CLNK: variants seen among roughly 807,000 people sequenced by gnomAD.
CLNK encodes cytokine-dependent hematopoietic cell linker.
A neutral mutation model predicts 68.6 loss-of-function variants in CLNK; 74 were observed. That is an observed-to-expected ratio of 1.08 (90% confidence interval 0.89 to 1.31). The LOEUF (loss-of-function observed/expected upper bound fraction) is 1.31. Among genes scored for constraint, CLNK ranks in the 50% most tolerant of loss-of-function variants. The probability of loss-of-function intolerance (pLI) is 0.00; values close to 1 mark genes in which losing one functional copy is unlikely to be tolerated. For missense variants in CLNK, 553 were observed against 515.3 expected (o/e 1.07, Z -0.71); for synonymous variants, 198 against 172.2 (o/e 1.15, Z -1.17).
At chr4:10,567,776 G>A (rs1720178740) in intron 5 of CLNK, among the ~76,000 whole-genome samples, 1 of 152,178 alleles carries the variant, frequency 6.6e-6, no homozygotes, top group Admixed American at 6.5e-5. Flanking sequence ...ATGAATGGAT[G>A]TTTCTTCAAA....
chr4:10,538,723 A>C (rs1440944514), intron 11 of CLNK, among the ~76,000 whole-genome samples: 1 of 152,194 alleles, frequency 6.6e-6, no homozygotes, highest in African/African-American at 2.4e-5. Context: ...TATTTCAGGT[A>C]CTGTGCCAGG....
the CLNK span, among the ~76,000 whole-genome samples, chr4:10,716,403 C>A: frequency 6.6e-6 from 1 of 152,142 alleles, no homozygotes; most frequent in Non-Finnish European, 1.5e-5. Context: ...CTTTTACCTA[C>A]TTTTTTCCAC....
intron 4 of CLNK, among the ~76,000 whole-genome samples, chr4:10,576,578 TC>T (rs1720573384): frequency 6.6e-6 from 1 of 152,186 alleles, no homozygotes; most frequent in South Asian, 2.1e-4. Context: ...CCTGTGGCTG[TC>T]CCTTGAACAG....
intron 3 of CLNK, among the ~76,000 whole-genome samples, chr4:10,589,252 T>C (rs1364730082): frequency 1.3e-5 from 2 of 152,216 alleles, no homozygotes; most frequent in Non-Finnish European, 2.9e-5. Flanking sequence ...GTAACTTGCC[T>C]GAAGTGGCAG....
At chr4:10,682,307 T>G (rs1725124308) in intron 1 of CLNK, among the ~76,000 whole-genome samples, 2 of 152,214 alleles carry the variant, frequency 1.3e-5, no homozygotes, top group Non-Finnish European at 2.9e-5. Flanking sequence ...GAACACTTTA[T>G]GTTTCTTTGT....
intron 4 of CLNK, among the ~76,000 whole-genome samples, chr4:10,574,530 G>A (rs1337665814): frequency 6.6e-6 from 1 of 152,166 alleles, no homozygotes; most frequent in Non-Finnish European, 1.5e-5. Context: ...TTTCAGGTCA[G>A]TTTAGCCGGA....
intron 18 of CLNK, among the ~76,000 whole-genome samples, chr4:10,498,159 C>T (rs1716889688): frequency 6.6e-6 from 1 of 151,768 alleles, no homozygotes; most frequent in East Asian, 1.9e-4. Flanking sequence ...CACGCCATTG[C>T]ATTCCAGCCT....
At chr4:10,699,517 T>G in the CLNK span, among the ~76,000 whole-genome samples, 1 of 129,910 alleles carries the variant, frequency 7.7e-6, no homozygotes, top group African/African-American at 3.1e-5. Flanking sequence ...TATATATTTT[T>G]TTTTTTTTTT....
rs1717694872 is a variant in CLNK, at chr4:10,513,525, T to C, written c.845A>G (p.Asn282Ser). 1 of 1,611,512 alleles carries C rather than the reference T, an allele frequency of 6.2e-7. No homozygotes were observed. Among genetic ancestry groups the C allele is most frequent in the Non-Finnish European group, 8.5e-7 (1 of 1,178,932 alleles). Residue 282 changes from asparagine to serine, a missense_variant, in exon 16 of 19, where the codon AAT becomes AGT. Coordinates refer to ENST00000226951, the MANE Select transcript of CLNK (RefSeq NM_052964.4). ...QPPASCSPHE[N>S]ILPYKYTSWR... ...GCTTGTGTATTTATAGGGCAGTATA[T>C]TTTCGTGAGGGCTGCAGCTGGCTGG...
the CLNK span, among the ~76,000 whole-genome samples, chr4:10,707,491 CCTACCA>C: frequency 6.6e-6 from 1 of 152,244 alleles, no homozygotes; most frequent in Non-Finnish European, 1.5e-5. Flanking sequence ...AGATATTCCA[CCTACCA>C]CTTGTGGGTA....
intron 2 of CLNK, among the ~76,000 whole-genome samples, chr4:10,609,057 C>G (rs1366682510): frequency 2.6e-5 from 4 of 152,208 alleles, no homozygotes; most frequent in Non-Finnish European, 5.9e-5. Context: ...TTAAAGGACA[C>G]AAACATTCAG....
the CLNK span, among the ~76,000 whole-genome samples, chr4:10,715,736 A>C: frequency 2.6e-5 from 4 of 152,208 alleles, no homozygotes; most frequent in Non-Finnish European, 4.4e-5. Context: ...TATTATCAAA[A>C]TCACCTGTGT....
At chr4:10,604,400 C>T (rs1325006382) in intron 2 of CLNK, among the ~76,000 whole-genome samples, 2 of 152,160 alleles carry the variant, frequency 1.3e-5, no homozygotes, top group Non-Finnish European at 2.9e-5. Context: ...AAACTTCCTT[C>T]AAATTGCATA....
At chr4:10,574,913 T>C (rs1239699035) in intron 4 of CLNK, among the ~76,000 whole-genome samples, 1 of 152,122 alleles carries the variant, frequency 6.6e-6, no homozygotes, top group African/African-American at 2.4e-5. Flanking sequence ...ATCACGACCC[T>C]CTCACGCGGA....
At chr4:10,523,370 G>T (rs904605105) in intron 14 of CLNK, among the ~76,000 whole-genome samples, 7 of 152,206 alleles carry the variant, frequency 4.6e-5, no homozygotes, top group African/African-American at 1.7e-4. Context: ...GCTGAGAGAG[G>T]TGATTTGCAG....
intron 2 of CLNK, among the ~76,000 whole-genome samples, chr4:10,646,488 A>G (rs770710914): frequency 1.3e-5 from 2 of 152,236 alleles, no homozygotes; most frequent in Non-Finnish European, 2.9e-5. Flanking sequence ...AAGACATATT[A>G]TCAGCTTTGG....
chr4:10,539,476 T>A (rs755155614), intron 11 of CLNK, among the ~76,000 whole-genome samples: 8 of 152,248 alleles, frequency 5.3e-5, no homozygotes, highest in Non-Finnish European at 8.8e-5. Context: ...AAACTGCTGA[T>A]GCAAGCTTGA....
At chr4:10,731,363 G>A in the CLNK span, among the ~76,000 whole-genome samples, 18 of 152,276 alleles carry the variant, frequency 1.2e-4, no homozygotes, top group African/African-American at 3.9e-4. Context: ...CGGGTGGTTC[G>A]GGGCTCCCAG....
chr4:10,578,277 G>C (rs1560225008), intron 4 of CLNK, among the ~76,000 whole-genome samples: 1 of 152,152 alleles, frequency 6.6e-6, no homozygotes, highest in East Asian at 1.9e-4. Context: ...TTGAGAACTT[G>C]TTCTGTTTTT....
Sources: allele counts gnomAD v4.1 joint callset (sites outside exome capture counted in the v4.1 genomes callset), GRCh38; gene constraint gnomAD v4.1.1; transcripts MANE v1.5; gene names NCBI Gene and HGNC (gene_info 2026-07-23, HGNC 2026-07-21).